The following NAIF1 variants were observed in gnomAD, a reference collection of about 807,000 sequenced individuals.
NAIF1 encodes the protein nuclear apoptosis inducing factor 1.
In NAIF1, 14 loss-of-function variants were observed where a neutral mutation model predicts 20.7. The ratio of observed to expected loss-of-function variants is 0.67; its 90% confidence interval spans 0.45 to 1.05. The LOEUF is 1.05. NAIF1 is among the 50% of genes least tolerant of loss of function. The probability of loss-of-function intolerance (pLI) is 0.00; values close to 1 mark genes in which losing one functional copy is unlikely to be tolerated. For synonymous variants in NAIF1, 191 were observed against 191.4 expected, an observed-to-expected ratio of 1.00 and a Z score of 0.02; for missense variants, 362 against 448.8, an observed-to-expected ratio of 0.81 and a Z score of 1.75.
chr9:128,067,260 T>C lies in NAIF1; in HGVS notation c.-159A>G. ...CTAGGCCTTTGGTAACCCCCCTCGC[T>C]ACGCAAAGTGCGTAGGGCCCAGCCC... is the stretch of plus-strand genomic sequence containing the variant. On this transcript the variant is annotated 5_prime_UTR_variant, in exon 1 of 2. Transcript: ENST00000373078. 1.1e-6 allele frequency: 1 copy of C among 874,470 alleles called. No individual in the cohort carries two copies. The highest frequency in any genetic ancestry group is 1.7e-6 in the Non-Finnish European group (1 of 591,790). 54.2% of individuals were successfully genotyped at this position (874,470 alleles called of 1,614,324 possible).
Position 128,063,412 on chromosome 9 carries a change from G to A in NAIF1, c.*16C>T, listed in dbSNP as rs1156434295. 1.9e-6 allele frequency: 3 copies of A among 1,596,172 alleles called. No individual in the cohort carries two copies. In the African/African-American group the frequency reaches 4.0e-5, roughly 21 times the overall value. On this transcript the variant is annotated 3_prime_UTR_variant, in exon 2 of 2. Transcript: ENST00000373078. The surrounding 1 kb of genome is among the most constrained non-coding windows in gnomAD (Gnocchi z 4.3). ...TTTCATCCCATCATGGCAGAAGGCTGGCCTGACCCCTGCCCTCACTGGATG... is the reference window on the plus strand; with the variant it reads ...TTTCATCCCATCATGGCAGAAGGCTAGCCTGACCCCTGCCCTCACTGGATG...
In NAIF1 at chr9:128,063,907, A is replaced by G. The variant is rs1413548934; in HGVS notation, c.512-7T>C. ...TAGGTGGTCTCTGTGGGGACTGCAC[A>G]GTAGAAAGAACAGAGGCCAAGGGAG... On this transcript the variant is annotated splice_region_variant and splice_polypyrimidine_tract_variant and intron_variant, in intron 1 of 1. Transcript: ENST00000373078. This position sits in a 1 kb window ranked among gnomAD's most constrained non-coding sequence, Gnocchi z 4.3. 1 of 1,599,422 alleles carries G rather than the reference A, an allele frequency of 6.3e-7. No individual in the cohort carries two copies.
At position 128,063,819 on chromosome 9, in the gene NAIF1, G is replaced by T; in HGVS notation, c.593C>A (p.Pro198Gln). The T allele has an allele frequency of 6.2e-7, 1 of 1,613,226 alleles. No homozygotes were observed. The highest frequency in any genetic ancestry group is 8.5e-7 in the Non-Finnish European group (1 of 1,180,028). ...CTAEAPPPLP[P>Q]ETPVDMMAQH... is the part of the protein sequence containing the mutation. ...GGCCATCATGTCCACAGGGGTCTCT[G>T]GTGGCAGAGGTGGGGGCGCCTCAGC... The change falls in exon 2 of 2, where the codon CCA becomes CAA. Residue 198 changes from proline to glutamine, a missense_variant. Pro to Gln is a moderately conservative substitution (Grantham distance 76, BLOSUM62 -1). Transcript: ENST00000373078. The surrounding 1 kb of genome is among the most constrained non-coding windows in gnomAD (Gnocchi z 4.3).
At position 128,063,159 on chromosome 9, in the gene NAIF1, G is replaced by A. The variant is rs796863568; in HGVS notation, c.*269C>T. On this transcript the variant is annotated 3_prime_UTR_variant, in exon 2 of 2. Transcript: ENST00000373078. The surrounding 1 kb of genome is among the most constrained non-coding windows in gnomAD (Gnocchi z 4.3). ...GGTCATGTCACAAGCCCGGGGTCAT[G>A]ACAACACATGTCCCATCACATGCAC... 1.8e-5 allele frequency: 9 copies of A among 495,580 alleles called. No homozygotes were observed. Among genetic ancestry groups the A allele is most frequent in the African/African-American group, 1.5e-4 (8 of 52,000 alleles). 30.7% of individuals were successfully genotyped at this position (495,580 alleles called of 1,614,324 possible). A position where few individuals can be genotyped will look rare whatever the true frequency, so the allele number is the denominator to read the frequency against.
rs559938722 is a variant in NAIF1 at position 128,063,346 on chromosome 9, G to A, written c.*82C>T. 9.3e-5 allele frequency: 125 copies of A among 1,346,512 alleles called. 1 individual carries two copies. In the South Asian group the frequency reaches 1.4e-3, roughly 15 times the overall value. 83.4% of individuals were successfully genotyped at this position (1,346,512 alleles called of 1,614,324 possible). ...GAGCTGTGCACGTGGCCGGTCTAAG[G>A]CCAAGGCCAATCACAGGACCCACTT... On this transcript the variant is annotated 3_prime_UTR_variant, in exon 2 of 2. Coordinates refer to ENST00000373078, the MANE Select transcript of NAIF1 (RefSeq NM_197956.4). The surrounding 1 kb of genome is among the most constrained non-coding windows in gnomAD (Gnocchi z 4.3).
At chr9:128,066,043 C>T (rs984427956) in intron 1 of NAIF1, 1 of 152,324 alleles carries the variant, frequency 6.6e-6, no homozygotes, top group Non-Finnish European at 1.5e-5. Flanking sequence ...ATCCCAGTGC[C>T]CAGCACAGGG....
At chr9:128,064,318 C>T (rs538167106) in intron 1 of NAIF1, among the ~76,000 whole-genome samples, 131 of 151,824 alleles carry the variant, frequency 8.6e-4, no homozygotes, top group Non-Finnish European at 1.5e-3. Flanking sequence ...CCTCGTGATC[C>T]GCCCGCCTCG....
rs1832783753 is a variant in NAIF1, at chr9:128,066,626, G to A, written c.476C>T (p.Ala159Val). Residue 159 changes from alanine to valine, a missense_variant, in exon 1 of 2, where the codon GCC becomes GTC. This residue lies in a region of NAIF1 where 300 missense variants were observed against 342.7 expected (regional missense o/e 0.88). Transcript: ENST00000373078. Reference sequence around the variant, plus strand: ...GGTGACCGTGGCTGCGGCTGCGGTGGCCGAGGGTCCGAGGGCCACAGGGTG... The same window carrying A: ...GGTGACCGTGGCTGCGGCTGCGGTGACCGAGGGTCCGAGGGCCACAGGGTG... Reference protein sequence around the residue: ...EIHPVALGPSATAAAATVTLT... With the variant: ...EIHPVALGPSVTAAAATVTLT... 5 of 1,531,254 alleles carry A rather than the reference G, an allele frequency of 3.3e-6. No homozygotes were observed. The highest frequency in any genetic ancestry group is 4.4e-6 in the Non-Finnish European group (5 of 1,137,162). The allele number at this position is 1,531,254 out of a possible 1,614,324, so 94.9% of individuals were successfully genotyped here.
chr9:128,067,121 T>G lies in NAIF1; in HGVS notation c.-20A>C. The G allele has an allele frequency of 6.4e-7, 1 of 1,562,884 alleles. No individual in the cohort carries two copies. Among genetic ancestry groups the G allele is most frequent in the East Asian group, 2.3e-5 (1 of 44,252 alleles). On this transcript the variant is annotated 5_prime_UTR_variant, in exon 1 of 2. Coordinates refer to ENST00000373078, the MANE Select transcript of NAIF1 (RefSeq NM_197956.4). ...GGCCATGGCCTCTCCCCTCCCCTCT[T>G]TTTAAAGAAATTATAATCCCCTCAA...
At chr9:128,066,547 C>T (rs1412279646) in intron 1 of NAIF1, 44 bp downstream of exon 1, 1 of 1,476,568 alleles carries the variant, frequency 6.8e-7, no homozygotes, top group Non-Finnish European at 8.9e-7. Flanking sequence ...GCTTGCTGGC[C>T]CTTCCCACTT....
chr9:128,063,990 C>T lies in NAIF1; in HGVS notation c.512-90G>A, dbSNP rs1832749843. 1 of 1,179,396 alleles carries T rather than the reference C, an allele frequency of 8.5e-7. No individual in the cohort carries two copies. 73.1% of individuals were successfully genotyped at this position (1,179,396 alleles called of 1,614,324 possible). A position where few individuals can be genotyped will look rare whatever the true frequency, so the allele number is the denominator to read the frequency against. On this transcript the variant is annotated intron_variant, in intron 1 of 1. Coordinates refer to ENST00000373078, the MANE Select transcript of NAIF1 (RefSeq NM_197956.4). The surrounding 1 kb of genome is among the most constrained non-coding windows in gnomAD (Gnocchi z 4.3). Reference sequence around the variant, plus strand: ...TGGGGTGGGGAGGAGGCCATAAAGTCCTGTCCTGGAGGGACATAAAGGGGA... The same window carrying T: ...TGGGGTGGGGAGGAGGCCATAAAGTTCTGTCCTGGAGGGACATAAAGGGGA...
rs1588736644 is a variant in NAIF1, at chr9:128,067,193, A to C, written c.-92T>G. ...TCTTCCTCAGCCTCGCCCCTCACCCACCCCCTACAGGGGATAGGCCAGGCT... is the reference window on the plus strand; with the variant it reads ...TCTTCCTCAGCCTCGCCCCTCACCCCCCCCCTACAGGGGATAGGCCAGGCT... On this transcript the variant is annotated 5_prime_UTR_variant, in exon 1 of 2. Transcript: ENST00000373078. The C allele has an allele frequency of 1.4e-6, 2 of 1,451,044 alleles. No homozygotes were observed. Among genetic ancestry groups the C allele is most frequent in the African/African-American group, 1.5e-5 (1 of 68,208 alleles). 89.9% of individuals were successfully genotyped at this position (1,451,044 alleles called of 1,614,324 possible).
In NAIF1 at chr9:128,066,759, C is replaced by T. The variant is rs967832808; in HGVS notation, c.343G>A (p.Gly115Ser). 1.2e-6 allele frequency: 2 copies of T among 1,609,062 alleles called. No individual in the cohort carries two copies. The highest frequency in any genetic ancestry group is 1.3e-5 in the African/African-American group (1 of 74,972). The change falls in exon 1 of 2, where the codon GGC becomes AGC. Residue 115 changes from glycine to serine, a missense_variant. Around this residue, in one of 3 missense-constraint regions of NAIF1, gnomAD observed 300 missense variants for 342.7 expected, o/e 0.88. Coordinates refer to ENST00000373078, the MANE Select transcript of NAIF1 (RefSeq NM_197956.4). ...ACTGGGGCTACAGCTGGGCCACCGC[C>T]ACCACTGCCACCGCCTGTCCCAGGC... ...GGPGTGGGSG[G>S]GGPAVAPVLL...
chr9:128,063,355 A>C lies in NAIF1; in HGVS notation c.*73T>G. The C allele has an allele frequency of 7.0e-7, 1 of 1,419,498 alleles. No homozygotes were observed. The highest frequency in any genetic ancestry group is 1.8e-5 in the Admixed American group (1 of 55,122). The allele number at this position is 1,419,498 out of a possible 1,614,324, so 87.9% of individuals were successfully genotyped here. A position where few individuals can be genotyped will look rare whatever the true frequency, so the allele number is the denominator to read the frequency against. ...ACGTGGCCGGTCTAAGGCCAAGGCCAATCACAGGACCCACTTACAAGTCCA... is the reference window on the plus strand; with the variant it reads ...ACGTGGCCGGTCTAAGGCCAAGGCCCATCACAGGACCCACTTACAAGTCCA... On this transcript the variant is annotated 3_prime_UTR_variant, in exon 2 of 2. Transcript: ENST00000373078. This position sits in a 1 kb window ranked among gnomAD's most constrained non-coding sequence, Gnocchi z 4.3.
At position 128,063,562 on chromosome 9, in the gene NAIF1, C is replaced by T. The variant is rs147217134; in HGVS notation, c.850G>A (p.Val284Ile). The T allele has an allele frequency of 1.2e-5, 19 of 1,611,640 alleles. No homozygotes were observed. Among genetic ancestry groups the T allele is most frequent in the African/African-American group, 2.7e-5 (2 of 74,950 alleles). ...ATAGGCCGGAGGACCTGGATGAGGA[C>T]GCTCAGGGCAGCCTGTGTGCCCTCC... ...AMEGTQAALSVLIQVLRPMIK... is the reference protein window; with the variant it reads ...AMEGTQAALSILIQVLRPMIK... Residue 284 changes from valine (V) to isoleucine (I), a missense_variant, in exon 2 of 2, where the codon GTC becomes ATC. Coordinates refer to ENST00000373078, the MANE Select transcript of NAIF1 (RefSeq NM_197956.4). The surrounding 1 kb of genome is among the most constrained non-coding windows in gnomAD (Gnocchi z 4.3).
Position 128,067,194 on chromosome 9 carries a change from C to A in NAIF1, c.-93G>T, listed in dbSNP as rs1444910017. 1 of 1,462,044 alleles carries A rather than the reference C, an allele frequency of 6.8e-7. No homozygotes were observed. Among genetic ancestry groups the A allele is most frequent in the African/African-American group, 1.4e-5 (1 of 71,146 alleles). 90.6% of individuals were successfully genotyped at this position (1,462,044 alleles called of 1,614,324 possible). On this transcript the variant is annotated 5_prime_UTR_variant, in exon 1 of 2. Transcript: ENST00000373078. The stretch of plus-strand genomic sequence containing the variant: ...CTTCCTCAGCCTCGCCCCTCACCCA[C>A]CCCCTACAGGGGATAGGCCAGGCTT...
chr9:128,065,437 A>G (rs1832766784), intron 1 of NAIF1, among the ~76,000 whole-genome samples: 1 of 151,978 alleles, frequency 6.6e-6, no homozygotes, highest in South Asian at 2.1e-4. Context: ...TCTTGACTTG[A>G]CTTCCTAGGC....
In NAIF1 at chr9:128,061,555, G is replaced by A. The variant is rs41276220; in HGVS notation, c.*1873C>T. ...CTTCACCTCCCTTTTAGCTGGCACT[G>A]CACGAATGCCTCCACAGAGAGGCTG... On this transcript the variant is annotated 3_prime_UTR_variant, in exon 2 of 2. Transcript: ENST00000373078. The A allele has an allele frequency of 0.015, 2,276 of 152,336 alleles. 21 individuals carry two copies. Among genetic ancestry groups the A allele is most frequent in the Middle Eastern group, 0.048 (14 of 294 alleles). 9.4% of individuals were successfully genotyped at this position (152,336 alleles called of 1,614,324 possible).
intron 1 of NAIF1, among the ~76,000 whole-genome samples, chr9:128,064,805 C>T (rs1025000731): frequency 3.3e-5 from 5 of 151,992 alleles, no homozygotes; most frequent in African/African-American, 1.2e-4. Context: ...GAGTTCGAGA[C>T]CAGCCTGACC....
Sources: allele counts gnomAD v4.1 joint callset (sites outside exome capture counted in the v4.1 genomes callset), GRCh38; gene constraint gnomAD v4.1.1; regional missense constraint gnomAD v4.1.1; non-coding constraint Gnocchi (gnomAD v3.1); transcripts MANE v1.5; gene names NCBI Gene and HGNC (gene_info 2026-07-23, HGNC 2026-07-21).